The following ASTN2 variants were observed in gnomAD, a reference collection of about 807,000 sequenced individuals.
ASTN2 encodes the protein astrotactin 2, also known as astrotactin-2.
Under a neutral mutation model 139.8 loss-of-function variants are expected in ASTN2, and 54 were observed. The observed-to-expected ratio is 0.39, with a 90% confidence interval of 0.31 to 0.48. The LOEUF (loss-of-function observed/expected upper bound fraction) is 0.48, where lower values mean the gene tolerates loss of function less well. Ranked by LOEUF, ASTN2 falls within the 20% of genes least tolerant of loss-of-function variation. The pLI is 0.95. For missense variants in ASTN2, 1,565 were observed against 1,725.1 expected, an observed-to-expected ratio of 0.91 and a Z score of 1.64; for synonymous variants, 756 against 719.5, an observed-to-expected ratio of 1.05 and a Z score of -0.81.
intron 4 of ASTN2, among the ~76,000 whole-genome samples, chr9:117,096,885 C>A (rs985886425): frequency 2.0e-5 from 3 of 152,146 alleles, no homozygotes; most frequent in Non-Finnish European, 4.4e-5. Flanking sequence ...TGAGCACCCT[C>A]AGGAATGGGC....
chr9:116,444,195 C>T (rs574497205), intron 20 of ASTN2, among the ~76,000 whole-genome samples: 3 of 152,294 alleles, frequency 2.0e-5, no homozygotes, highest in East Asian at 1.9e-4. Context: ...ACCTTGGTTT[C>T]TCAGACTCTA....
chr9:117,027,341 C>G (rs1484137052), intron 6 of ASTN2, among the ~76,000 whole-genome samples: 1 of 152,134 alleles, frequency 6.6e-6, no homozygotes, highest in African/African-American at 2.4e-5. Flanking sequence ...GCAACTGTGA[C>G]TCTTCCACTC....
In ASTN2 at chr9:117,340,382, G is replaced by T. The variant is rs934870522; in HGVS notation, c.443-48869C>A. 1.0e-3 allele frequency among the ~76,000 whole-genome samples: 149 copies of T among 149,650 alleles called. 1 individual carries two copies. Among genetic ancestry groups the T allele is most frequent in the Non-Finnish European group, 4.4e-5 (3 of 67,536 alleles). The stretch of plus-strand genomic sequence containing the variant: ...AAAAAGTGTCATGGAGAGGAGGAGG[G>T]GTATGACTACTTCGGGGAAGAGATG... On this transcript the variant is annotated intron_variant, in intron 1 of 22. Coordinates refer to ENST00000313400, the MANE Select transcript of ASTN2 (RefSeq NM_001365068.1).
At chr9:117,091,801 C>T (rs1243957913) in intron 5 of ASTN2, among the ~76,000 whole-genome samples, 1 of 152,022 alleles carries the variant, frequency 6.6e-6, no homozygotes, top group Non-Finnish European at 1.5e-5. Context: ...AAAAGGAAAG[C>T]ATTGAAAGCT....
intron 19 of ASTN2, among the ~76,000 whole-genome samples, chr9:116,522,106 G>T (rs1159765941): frequency 3.3e-5 from 5 of 152,140 alleles, no homozygotes; most frequent in African/African-American, 1.2e-4. Flanking sequence ...ACAATTTGGA[G>T]ATTCCTTAAA....
chr9:117,363,433 G>A (rs908825191), intron 1 of ASTN2, among the ~76,000 whole-genome samples: 1 of 152,158 alleles, frequency 6.6e-6, no homozygotes, highest in African/African-American at 2.4e-5. Context: ...TATGAAAATT[G>A]TTCAAGGTAA....
At chr9:116,878,188 A>G (rs1833354200) in intron 10 of ASTN2, among the ~76,000 whole-genome samples, 1 of 152,008 alleles carries the variant, frequency 6.6e-6, no homozygotes, top group Non-Finnish European at 1.5e-5. Flanking sequence ...ACATCATTTG[A>G]CCCCCTGTTA....
chr9:116,761,229 A>G (rs1206471837), intron 13 of ASTN2, among the ~76,000 whole-genome samples: 1 of 152,218 alleles, frequency 6.6e-6, no homozygotes, highest in Non-Finnish European at 1.5e-5. Flanking sequence ...TGTCCCAGGC[A>G]TGAACCTAGG....
chr9:117,347,585 C>G (rs1829260159), intron 1 of ASTN2, among the ~76,000 whole-genome samples: 2 of 152,128 alleles, frequency 1.3e-5, no homozygotes, highest in African/African-American at 4.8e-5. Flanking sequence ...TCTGCTTTGT[C>G]TAGTGCAATT....
intron 19 of ASTN2, chr9:116,579,032 C>T (rs2131707097): frequency 6.6e-6 from 1 of 151,540 alleles, no homozygotes; most frequent in African/African-American, 2.4e-5. Context: ...CTGTGATTCT[C>T]AAAATAGTAG....
At chr9:117,186,349 A>T (rs1831197544) in intron 3 of ASTN2, among the ~76,000 whole-genome samples, 1 of 151,044 alleles carries the variant, frequency 6.6e-6, no homozygotes, top group African/African-American at 2.4e-5. Context: ...GATCGAGACC[A>T]CCCTGGCTAA....
intron 13 of ASTN2, among the ~76,000 whole-genome samples, chr9:116,805,425 G>A (rs561447950): frequency 5.9e-5 from 9 of 152,148 alleles, no homozygotes; most frequent in African/African-American, 2.2e-4. Flanking sequence ...GGCAAAGTGG[G>A]ACAAATATAT....
intron 3 of ASTN2, among the ~76,000 whole-genome samples, chr9:117,181,928 G>A (rs1723444669): frequency 6.6e-6 from 1 of 152,112 alleles, no homozygotes; most frequent in Admixed American, 6.5e-5. Context: ...AAGCTGAGAG[G>A]GAGCATGACT....
chr9:116,880,061 C>T (rs1040826498), intron 10 of ASTN2, among the ~76,000 whole-genome samples: 20 of 151,904 alleles, frequency 1.3e-4, no homozygotes, highest in African/African-American at 4.8e-4. Context: ...ATAATAATAA[C>T]CATAAATTCA....
At chr9:116,952,495 C>G (rs534820005) in intron 10 of ASTN2, among the ~76,000 whole-genome samples, 1 of 152,290 alleles carries the variant, frequency 6.6e-6, no homozygotes, top group African/African-American at 2.4e-5. Context: ...GCATCTGGCT[C>G]TCAATTTCCG....
chr9:117,270,971 A>G (rs1049586836), intron 2 of ASTN2, among the ~76,000 whole-genome samples: 1 of 152,216 alleles, frequency 6.6e-6, no homozygotes, highest in African/African-American at 2.4e-5. Context: ...CTTCTCACTC[A>G]GCTTTGAACA....
intron 2 of ASTN2, among the ~76,000 whole-genome samples, chr9:117,237,197 A>G (rs1245327063): frequency 6.6e-6 from 1 of 152,186 alleles, no homozygotes; most frequent in African/African-American, 2.4e-5. Context: ...TTCAATGACA[A>G]AAAACGCAAT....
At chr9:117,216,755 G>A (rs1417088631) in intron 2 of ASTN2, among the ~76,000 whole-genome samples, 1 of 152,096 alleles carries the variant, frequency 6.6e-6, no homozygotes, top group African/African-American at 2.4e-5. Flanking sequence ...GGAGAGGGAG[G>A]GAGTGAGGAA....
chr9:116,643,227 A>G (rs1384962567), intron 17 of ASTN2, among the ~76,000 whole-genome samples: 1 of 152,124 alleles, frequency 6.6e-6, no homozygotes, highest in East Asian at 1.9e-4. Flanking sequence ...TTATTCTTCT[A>G]TTCTTCTATT....
Sources: allele counts gnomAD v4.1 joint callset (sites outside exome capture counted in the v4.1 genomes callset), GRCh38; gene constraint gnomAD v4.1.1; transcripts MANE v1.5; gene names NCBI Gene and HGNC (gene_info 2026-07-23, HGNC 2026-07-21).